ZNF662: variants seen among roughly 807,000 people sequenced by gnomAD.
ZNF662 encodes zinc finger protein 662.
In ZNF662, 14 loss-of-function variants were observed where a neutral mutation model predicts 12.4. The ratio of observed to expected loss-of-function variants is 1.13; its 90% CI spans 0.75 to 1.77. ZNF662 has a LOEUF of 1.77. Ranked by LOEUF, ZNF662 falls within the 40% of genes most tolerant of loss-of-function variation. ZNF662 has a pLI of 0.00. For missense variants in ZNF662, 550 were observed against 515.6 expected, an observed-to-expected ratio of 1.07 and a Z score of -0.65; for synonymous variants, 184 against 176.4, an observed-to-expected ratio of 1.04 and a Z score of -0.34.
chr3:42,917,776 T>A lies in ZNF662; in HGVS notation c.*2422T>A, dbSNP rs1474222846. The stretch of plus-strand genomic sequence containing the variant: ...CAGTAGTCTCATAAGCTTCTCAGTT[T>A]TATCTCATCTCAGTTGCTTGGAAGT... On this transcript the variant is annotated 3_prime_UTR_variant, in exon 5 of 5. Transcript: ENST00000440367. The A allele has an allele frequency of 5.1e-6, 3 of 582,792 alleles. No homozygotes were observed. The highest frequency in any genetic ancestry group is 9.0e-6 in the Non-Finnish European group (3 of 332,574). The allele number at this position is 582,792 out of a possible 1,614,324, so 36.1% of individuals were successfully genotyped here. A position where few individuals can be genotyped will look rare whatever the true frequency, so the allele number is the denominator to read the frequency against.
chr3:42,909,289 A>C (rs891791690), intron 3 of ZNF662, among the ~76,000 whole-genome samples: 1 of 152,180 alleles, frequency 6.6e-6, no homozygotes, highest in Non-Finnish European at 1.5e-5. Flanking sequence ...GCTTCCTTCA[A>C]GCATCTGTTT....
rs834579 is a variant in ZNF662 at position 42,915,492 on chromosome 3, A to G, written c.*138A>G. 595,779 of 758,320 alleles carry G rather than the reference A, an allele frequency of 0.79. 237,193 individuals are homozygous for G. Among genetic ancestry groups the G allele is most frequent in the East Asian group, 0.94 (34,843 of 36,970 alleles). The allele number at this position is 758,320 out of a possible 1,614,324, so 47.0% of individuals were successfully genotyped here. On this transcript the variant is annotated 3_prime_UTR_variant, in exon 5 of 5. Coordinates refer to ENST00000440367, the MANE Select transcript of ZNF662 (RefSeq NM_207404.4). Reference sequence around the variant, plus strand: ...TATCTTGCCCTTTTGAACATTTACCATGTACTCTAGCAAGACTGGTCCCTC... The same window carrying G: ...TATCTTGCCCTTTTGAACATTTACCGTGTACTCTAGCAAGACTGGTCCCTC...
At chr3:42,910,996 G>A (rs1443414760) in intron 3 of ZNF662, among the ~76,000 whole-genome samples, 1 of 152,182 alleles carries the variant, frequency 6.6e-6, no homozygotes, top group Non-Finnish European at 1.5e-5. Flanking sequence ...TGTTGGCTTT[G>A]TCTACAGTCT....
At position 42,914,596 on chromosome 3, in the gene ZNF662, G is replaced by A; in HGVS notation, c.523G>A (p.Val175Ile). Residue 175 changes from valine (V) to isoleucine (I), a missense_variant, in exon 5 of 5, where the codon GTC becomes ATC. Val to Ile is a conservative substitution (Grantham distance 29, BLOSUM62 3). Transcript: ENST00000440367. ...SVEESSGNTDVNNLLGIHHKI... is the reference protein window; with the variant it reads ...SVEESSGNTDINNLLGIHHKI... ...AGAAGAGAGTTCAGGGAATACTGATGTCAATAACCTCCTTGGTATACATCA... is the reference window on the plus strand; with the variant it reads ...AGAAGAGAGTTCAGGGAATACTGATATCAATAACCTCCTTGGTATACATCA... 6.2e-7 allele frequency: 1 copy of A among 1,614,138 alleles called. No homozygotes were observed. Among genetic ancestry groups the A allele is most frequent in the East Asian group, 2.2e-5 (1 of 44,878 alleles).
At position 42,915,008 on chromosome 3, in the gene ZNF662, G is replaced by T; in HGVS notation, c.935G>T (p.Ser312Ile). ...TACACATGTAAGGAATGTGGGAAAA[G>T]CTTTACTCGAAACCCAGCCCTTCTT... is the stretch of plus-strand genomic sequence containing the variant. ...KPYTCKECGK[S>I]FTRNPALLRH... is the part of the protein sequence containing the mutation. The change falls in exon 5 of 5, where the codon AGC (serine) becomes ATC (isoleucine). Residue 312 changes from serine to isoleucine, a missense_variant. Transcript: ENST00000440367. 6.2e-7 allele frequency: 1 copy of T among 1,614,088 alleles called. No individual in the cohort carries two copies. Among genetic ancestry groups the T allele is most frequent in the Non-Finnish European group, 8.5e-7 (1 of 1,180,022 alleles).
rs140772085 is a variant in ZNF662 at position 42,918,938 on chromosome 3, T to C, written c.*3584T>C. Among the ~76,000 whole-genome samples, 6 of 152,340 alleles carry C rather than the reference T, an allele frequency of 3.9e-5. No individual in the cohort carries two copies. In the East Asian group the frequency reaches 5.8e-4, roughly 15 times the overall value. On this transcript the variant is annotated 3_prime_UTR_variant, in exon 5 of 5. Coordinates refer to ENST00000440367, the MANE Select transcript of ZNF662 (RefSeq NM_207404.4). ...CCCAGATAACTGGTAGCTATAGTTA[T>C]GCCTGCTAAGATTGGGGTGTTTGGG... is the stretch of plus-strand genomic sequence containing the variant.
In ZNF662 at chr3:42,912,525, A is replaced by G. The variant is rs1286063127; in HGVS notation, c.152-676A>G. Among the ~76,000 whole-genome samples the G allele has an allele frequency of 1.4e-3, 134 of 96,540 alleles. 3 individuals carry two copies. The East Asian group carries it at 0.03, about 22-fold the overall frequency. 63.3% of individuals were successfully genotyped at this position (96,540 alleles called of 152,430 possible). On this transcript the variant is annotated intron_variant, in intron 3 of 4. Coordinates refer to ENST00000440367, the MANE Select transcript of ZNF662 (RefSeq NM_207404.4). ...TATTATATATTTGTATATTTAATATATAAATACATATATTTATATATTTAA... is the reference window on the plus strand; with the variant it reads ...TATTATATATTTGTATATTTAATATGTAAATACATATATTTATATATTTAA...
Position 42,917,237 on chromosome 3 carries a change from T to TA in ZNF662, c.*1883_*1884insA, listed in dbSNP as rs1475660619. 2.4e-6 allele frequency: 1 copy of TA among 420,816 alleles called. No individual in the cohort carries two copies. The highest frequency in any genetic ancestry group is 2.0e-5 in the African/African-American group (1 of 48,848). 26.1% of individuals were successfully genotyped at this position (420,816 alleles called of 1,614,324 possible). A position where few individuals can be genotyped will look rare whatever the true frequency, so the allele number is the denominator to read the frequency against. Reference sequence around the variant, plus strand: ...TATGTGGTTTGGCACCACCACCATCTTCATGAGTGGACCCTGTTTGGCTTG... The same window carrying TA: ...TATGTGGTTTGGCACCACCACCATCTATCATGAGTGGACCCTGTTTGGCTTG... On this transcript the variant is annotated 3_prime_UTR_variant, in exon 5 of 5. Coordinates refer to ENST00000440367, the MANE Select transcript of ZNF662 (RefSeq NM_207404.4).
In ZNF662 at chr3:42,917,110, C is replaced by G. The variant is rs1171236539; in HGVS notation, c.*1756C>G. 1.0e-5 allele frequency: 2 copies of G among 193,770 alleles called. No homozygotes were observed. Among genetic ancestry groups the G allele is most frequent in the East Asian group, 1.3e-4 (1 of 7,844 alleles). The allele number at this position is 193,770 out of a possible 1,614,324, so 12.0% of individuals were successfully genotyped here. ...TGAAATCAGGAGTTTTATAAAACAA[C>G]ATTTTTAGACGTGGTCATCTTTTAT... On this transcript the variant is annotated 3_prime_UTR_variant, in exon 5 of 5. Coordinates refer to ENST00000440367, the MANE Select transcript of ZNF662 (RefSeq NM_207404.4).
In ZNF662 at chr3:42,906,944, T is replaced by C. The variant is rs1305688275; in HGVS notation, c.-94+776T>C. On this transcript the variant is annotated intron_variant, in intron 1 of 4. Coordinates refer to ENST00000440367, the MANE Select transcript of ZNF662 (RefSeq NM_207404.4). This position sits in a 1 kb window ranked among gnomAD's most constrained non-coding sequence, Gnocchi z 4.4. ...TCTGTGAGTAGTGAATGGAATTGTC[T>C]GTAGTGCAGAGGAATGTGGACTCTA... is the stretch of plus-strand genomic sequence containing the variant. Among the ~76,000 whole-genome samples, 1 of 152,050 alleles carries C rather than the reference T, an allele frequency of 6.6e-6. No homozygotes were observed. The highest frequency in any genetic ancestry group is 1.5e-5 in the Non-Finnish European group (1 of 68,040).
chr3:42,911,499 A>G (rs2125643881), intron 3 of ZNF662, among the ~76,000 whole-genome samples: 1 of 152,306 alleles, frequency 6.6e-6, no homozygotes, highest in East Asian at 1.9e-4. Context: ...CCAACAGCTA[A>G]GTTACTCCTT....
Position 42,915,229 on chromosome 3 carries a change from A to T in ZNF662, c.1156A>T (p.Arg386Ter). The T allele has an allele frequency of 6.2e-7, 1 of 1,614,178 alleles. No individual in the cohort carries two copies. Among genetic ancestry groups the T allele is most frequent in the Non-Finnish European group, 8.5e-7 (1 of 1,180,030 alleles). The change falls in exon 5 of 5, where the codon AGA becomes TGA. Residue 386 changes from arginine (R) to a stop codon, truncating the protein, a stop_gained. Coordinates refer to ENST00000440367, the MANE Select transcript of ZNF662 (RefSeq NM_207404.4). LOFTEE classifies it low-confidence loss of function (END_TRUNC). ...IRHQRIHTGE[R>*]PYKCNDCGKA... ...ACATCAAAGAATCCATACTGGGGAA[A>T]GACCCTATAAATGTAATGACTGTGG...
chr3:42,915,425 CATTCACAATTTGCTGTA>C lies in ZNF662; in HGVS notation c.*73_*89del. The C allele has an allele frequency of 7.0e-7, 1 of 1,420,020 alleles. No individual in the cohort carries two copies. The highest frequency in any genetic ancestry group is 9.5e-7 in the Non-Finnish European group (1 of 1,051,066). The allele number at this position is 1,420,020 out of a possible 1,614,324, so 88.0% of individuals were successfully genotyped here. On this transcript the variant is annotated 3_prime_UTR_variant, in exon 5 of 5. Coordinates refer to ENST00000440367, the MANE Select transcript of ZNF662 (RefSeq NM_207404.4). ...AACCCTAGAGACAAAATGAGATGAC[CATTCACAATTTGCTGTA>C]ACCCTTAACTTAAATAGCCAGTATT...
In ZNF662 at chr3:42,908,767, GCCTGTC is replaced by G. The variant is rs1249713795; in HGVS notation, c.35-23_35-18del. 6.2e-7 allele frequency: 1 copy of G among 1,607,164 alleles called. No individual in the cohort carries two copies. The highest frequency in any genetic ancestry group is 1.3e-5 in the African/African-American group (1 of 74,740). ...TTACTGTGTGCCATGCCACTCACCTGCCTGTCCCATTTCTTTCCTTTTAAGCAGCAT... is the reference window on the plus strand; with the variant it reads ...TTACTGTGTGCCATGCCACTCACCTGCCATTTCTTTCCTTTTAAGCAGCAT... On this transcript the variant is annotated intron_variant, in intron 2 of 4. Transcript: ENST00000440367.
chr3:42,906,225 C>A lies in ZNF662; in HGVS notation c.-94+57C>A. The A allele has an allele frequency of 1.2e-6, 1 of 819,030 alleles. No individual in the cohort carries two copies. Among genetic ancestry groups the A allele is most frequent in the Non-Finnish European group, 1.8e-6 (1 of 548,976 alleles). 50.7% of individuals were successfully genotyped at this position (819,030 alleles called of 1,614,324 possible). ...GGCAGGGAGTGGAGTCGGGGTCTTACTCCGGTGGCTGCAGGGCGCAGGGTA... is the reference window on the plus strand; with the variant it reads ...GGCAGGGAGTGGAGTCGGGGTCTTAATCCGGTGGCTGCAGGGCGCAGGGTA... On this transcript the variant is annotated intron_variant, in intron 1 of 4. Transcript: ENST00000440367. The surrounding 1 kb of genome is among the most constrained non-coding windows in gnomAD (Gnocchi z 4.4).
At chr3:42,912,672 TA>T (rs2088832410) in intron 3 of ZNF662, among the ~76,000 whole-genome samples, 1 of 31,870 alleles carries the variant, frequency 3.1e-5, no homozygotes, top group African/African-American at 8.7e-5. Flanking sequence ...ATATATTTTT[TA>T]TATATATAAA....
rs2088903999 is a variant in ZNF662 at position 42,917,205 on chromosome 3, T to A, written c.*1851T>A. The A allele has an allele frequency of 2.8e-6, 1 of 360,952 alleles. No homozygotes were observed. Among genetic ancestry groups the A allele is most frequent in the Non-Finnish European group, 4.9e-6 (1 of 203,726 alleles). The allele number at this position is 360,952 out of a possible 1,614,324, so 22.4% of individuals were successfully genotyped here. ...GGGTATTCTTTGGGAAGCTATCCTT[T>A]CTCAGCTATGTGGTTTGGCACCACC... On this transcript the variant is annotated 3_prime_UTR_variant, in exon 5 of 5. Coordinates refer to ENST00000440367, the MANE Select transcript of ZNF662 (RefSeq NM_207404.4).
In ZNF662 at chr3:42,913,272, C is replaced by G; in HGVS notation, c.223C>G (p.Gln75Glu). 6.2e-7 allele frequency: 1 copy of G among 1,613,912 alleles called. No homozygotes were observed. The highest frequency in any genetic ancestry group is 8.5e-7 in the Non-Finnish European group (1 of 1,179,872). The change falls in exon 4 of 5, where the codon CAA becomes GAA. Residue 75 changes from glutamine to glutamate, a missense_variant. Coordinates refer to ENST00000440367, the MANE Select transcript of ZNF662 (RefSeq NM_207404.4). Reference sequence around the variant, plus strand: ...GGAAGAGCCATTAAACCTGAAACTGCAAGGAGAGGGTCCAAGCCTGATTTG... The same window carrying G: ...GGAAGAGCCATTAAACCTGAAACTGGAAGGAGAGGGTCCAAGCCTGATTTG... ...QVEEPLNLKL[Q>E]GEGPSLICPE...
At chr3:42,908,310 T>C (rs1205056875) in intron 2 of ZNF662, 162 bp downstream of exon 2, 3 of 1,417,010 alleles carry the variant, frequency 2.1e-6, no homozygotes, top group Non-Finnish European at 2.8e-6. Flanking sequence ...AAGTAGGAAG[T>C]CCTGGTATCA....
Sources: allele counts gnomAD v4.1 joint callset (sites outside exome capture counted in the v4.1 genomes callset), GRCh38; gene constraint gnomAD v4.1.1; non-coding constraint Gnocchi (gnomAD v3.1); transcripts MANE v1.5; gene names NCBI Gene and HGNC (gene_info 2026-07-23, HGNC 2026-07-21).